C5: variants seen among roughly 807,000 people sequenced by gnomAD.
C5 encodes the protein C3 and PZP-like alpha-2-macroglobulin domain-containing protein 4.
A neutral mutation model predicts 218.8 loss-of-function variants in C5; 140 were observed. The observed-to-expected ratio is 0.64, with a 90% CI of 0.56 to 0.74. The LOEUF is 0.74. Among genes scored for constraint, C5 ranks in the 30% least tolerant of loss-of-function variants. The pLI, the probability that C5 is intolerant of heterozygous loss-of-function variation, is 0.00. For synonymous variants in C5, 614 were observed against 682.3 expected (o/e 0.90, Z 1.56); for missense variants, 1,700 against 1,969.6 (o/e 0.86, Z 2.59).
the C5 span, among the ~76,000 whole-genome samples, chr9:121,056,848 C>G: frequency 2.0e-5 from 3 of 151,964 alleles, no homozygotes; most frequent in Non-Finnish European, 4.4e-5. Flanking sequence ...ACTTTCCAAA[C>G]CTAGAGAAAG....
chr9:121,060,048 C>A, the C5 span, among the ~76,000 whole-genome samples: 1 of 152,158 alleles, frequency 6.6e-6, no homozygotes, highest in Non-Finnish European at 1.5e-5. Flanking sequence ...TATTACATAG[C>A]AATAGTAATT....
At chr9:121,041,221 G>A (rs1186445639) in intron 3 of C5, among the ~76,000 whole-genome samples, 1 of 150,764 alleles carries the variant, frequency 6.6e-6, no homozygotes, top group East Asian at 2.0e-4. Flanking sequence ...TGGGATTACA[G>A]GCATGAGCCA....
Position 121,046,159 on chromosome 9 carries a change from A to G in C5, c.258+32T>C, listed in dbSNP as rs750469732. On this transcript the variant is annotated intron_variant, in intron 2 of 40. Coordinates refer to ENST00000223642, the MANE Select transcript of C5 (RefSeq NM_001735.3). ...TTTTTATTGAGAATATTCTGTATAT[A>G]TATATAAAGAAAATAAAGGATAAAT... 3.7e-6 allele frequency: 4 copies of G among 1,093,724 alleles called. No homozygotes were observed. The Admixed American group carries it at 7.6e-5, about 21-fold the overall frequency. The allele number at this position is 1,093,724 out of a possible 1,614,324, so 67.8% of individuals were successfully genotyped here.
In C5 at chr9:121,017,346, A is replaced by G. The variant is rs767876908; in HGVS notation, c.1866+16T>C. On this transcript the variant is annotated intron_variant, in intron 14 of 40. Transcript: ENST00000223642. The stretch of plus-strand genomic sequence containing the variant: ...ACACTTCATGCAACACTGCAGCGAG[A>G]CATGCATTACTTAACTCTTTCCAAG... The G allele has an allele frequency of 2.5e-6, 4 of 1,613,256 alleles. No individual in the cohort carries two copies. The East Asian group carries it at 8.9e-5, about 36-fold the overall frequency.
intron 5 of C5, among the ~76,000 whole-genome samples, chr9:121,032,926 G>A (rs1300788069): frequency 2.0e-5 from 3 of 152,036 alleles, no homozygotes; most frequent in Admixed American, 2.0e-4. Flanking sequence ...GCTTGAGCCC[G>A]CGAGATCAAG....
chr9:121,040,047 T>C lies in C5; in HGVS notation c.422-2096A>G, dbSNP rs906500760. ...TGTGGAGGAAAGAGGCAAACACAAT[T>C]ATATGTAAAATTCTAGGGTGTGAAG... On this transcript the variant is annotated intron_variant, in intron 3 of 40. Transcript: ENST00000223642. 6.6e-5 allele frequency among the ~76,000 whole-genome samples: 10 copies of C among 152,270 alleles called. No homozygotes were observed. The East Asian group carries it at 1.2e-3, about 18-fold the overall frequency.
At chr9:120,975,227 G>C (rs2046944398) in intron 29 of C5, among the ~76,000 whole-genome samples, 1 of 152,126 alleles carries the variant, frequency 6.6e-6, no homozygotes, top group African/African-American at 2.4e-5. Context: ...CTGAGTCTTT[G>C]AACAATTATC....
chr9:120,952,706 G>T lies in C5; in HGVS notation c.*33C>A, dbSNP rs780148284. ...GAACTTCAACAACAGGAGTCCATAA[G>T]TGCAAACTGTATGCAGCTGAACTTC... On this transcript the variant is annotated 3_prime_UTR_variant, in exon 41 of 41. Transcript: ENST00000223642. 4.4e-6 allele frequency: 7 copies of T among 1,609,030 alleles called. No homozygotes were observed. Among genetic ancestry groups the T allele is most frequent in the Non-Finnish European group, 5.9e-6 (7 of 1,177,692 alleles).
chr9:121,031,883 G>T (rs1322961323), intron 6 of C5, among the ~76,000 whole-genome samples: 2 of 152,058 alleles, frequency 1.3e-5, no homozygotes, highest in African/African-American at 4.8e-5. Context: ...GGCCAAGATG[G>T]TGACACCCTG....
Position 121,046,331 on chromosome 9 carries a change from C to A in C5, c.118G>T (p.Val40Leu). ...TCAGTGTATCCATAAACTTGAATCA[C>A]AATATTTTCAGATGCTCCAACACGG... ...IFRVGASENIVIQVYGYTEAF... is the reference protein window; with the variant it reads ...IFRVGASENILIQVYGYTEAF... Residue 40 changes from valine to leucine, a missense_variant, in exon 2 of 41, where the codon GTG becomes TTG. Coordinates refer to ENST00000223642, the MANE Select transcript of C5 (RefSeq NM_001735.3). 6.2e-7 allele frequency: 1 copy of A among 1,612,528 alleles called. No homozygotes were observed. Among genetic ancestry groups the A allele is most frequent in the Non-Finnish European group, 8.5e-7 (1 of 1,178,920 alleles).
intron 1 of C5, among the ~76,000 whole-genome samples, chr9:121,047,185 C>T (rs192095368): frequency 2.6e-5 from 4 of 152,258 alleles, no homozygotes; most frequent in Admixed American, 1.3e-4. Flanking sequence ...TATCATTATT[C>T]GTACTTTGCA....
intron 39 of C5, among the ~76,000 whole-genome samples, chr9:120,955,841 A>G (rs1267973956): frequency 6.6e-6 from 1 of 151,854 alleles, no homozygotes; most frequent in Non-Finnish European, 1.5e-5. Flanking sequence ...TAGGAGTTTG[A>G]GACCAGCCTG....
chr9:120,979,230 A>G (rs1311663942), intron 28 of C5, among the ~76,000 whole-genome samples: 3 of 152,146 alleles, frequency 2.0e-5, no homozygotes, highest in East Asian at 1.9e-4. Context: ...GTTCTCCACC[A>G]GGTACTTCCT....
intron 10 of C5, among the ~76,000 whole-genome samples, chr9:121,022,428 A>C (rs1282976838): frequency 1.3e-5 from 2 of 148,552 alleles, no homozygotes; most frequent in African/African-American, 2.4e-5. Flanking sequence ...TATATATTAT[A>C]TATTACTGTA....
chr9:120,961,430 G>T, intron 37 of C5, 52 bp downstream of exon 37: 1 of 1,168,186 alleles, frequency 8.6e-7, no homozygotes, highest in South Asian at 1.2e-5. Context: ...CTCAGGTTAT[G>T]AACGACTGCT....
intron 25 of C5, among the ~76,000 whole-genome samples, chr9:120,987,851 A>G (rs1587962301): frequency 6.6e-6 from 1 of 151,814 alleles, no homozygotes; most frequent in African/African-American, 2.4e-5. Context: ...GGAGTGCAGT[A>G]GCGCGATCTC....
In C5 at chr9:120,984,714, CTTTTTTT is replaced by C. The variant is rs149222003; in HGVS notation, c.3231-1907_3231-1901del. 9.4e-4 allele frequency among the ~76,000 whole-genome samples: 65 copies of C among 69,228 alleles called. 2 individuals are homozygous for C. The South Asian group carries it at 0.037, about 39-fold the overall frequency. 45.4% of individuals were successfully genotyped at this position (69,228 alleles called of 152,430 possible). On this transcript the variant is annotated intron_variant, in intron 25 of 40. Coordinates refer to ENST00000223642, the MANE Select transcript of C5 (RefSeq NM_001735.3). ...AGTATTCAATAGGTATAAGCTCTTA[CTTTTTTT>C]TTTTTTTTTTTTTTTTTTCAGACGG...
chr9:120,996,448 A>G, intron 21 of C5, 148 bp from the exon 22 acceptor site: 1 of 710,582 alleles, frequency 1.4e-6, no homozygotes. Flanking sequence ...CATGGATATA[A>G]GCAGCAATAA....
chr9:121,046,252 T>A lies in C5; in HGVS notation c.197A>T (p.Tyr66Phe). ...GGATAAATGAACATGGCCTGAGGAG[T>A]AACTAAATTTTTTATCAGGATAACT... Reference protein sequence around the residue: ...IKSYPDKKFSYSSGHVHLSSE... With the variant: ...IKSYPDKKFSFSSGHVHLSSE... Residue 66 changes from tyrosine to phenylalanine, a missense_variant, in exon 2 of 41, where the codon TAC becomes TTC. Transcript: ENST00000223642. The A allele has an allele frequency of 1.9e-6, 3 of 1,607,696 alleles. No homozygotes were observed. Among genetic ancestry groups the A allele is most frequent in the South Asian group, 2.2e-5 (2 of 90,682 alleles).
Sources: gnomAD v4.1 joint callset for allele counts (sites outside exome capture counted in the v4.1 genomes callset) on GRCh38, gnomAD v4.1.1 for gene constraint, MANE v1.5 for transcripts, NCBI Gene and HGNC (gene_info 2026-07-23, HGNC 2026-07-21) for gene names.